DLG2: variants seen among roughly 807,000 people sequenced by gnomAD.
The protein encoded by DLG2 is discs large MAGUK scaffold protein 2.
Under a neutral mutation model 132.5 loss-of-function variants are expected in DLG2, and 45 were observed. The observed-to-expected ratio is 0.34, with a 90% CI of 0.27 to 0.44. The LOEUF (loss-of-function observed/expected upper bound fraction) is 0.44, where lower values mean the gene tolerates loss of function less well. DLG2 is among the 20% of genes least tolerant of loss of function. The pLI is 1.00. For synonymous variants in DLG2, 424 were observed against 419.6 expected (o/e 1.01, Z -0.13); for missense variants, 1,045 against 1,196.9 (o/e 0.87, Z 1.87).
At chr11:83,648,182 G>C (rs1272259452) in intron 18 of DLG2, 1 of 152,088 alleles carries the variant, frequency 6.6e-6, no homozygotes, top group Non-Finnish European at 1.5e-5. Flanking sequence ...CAAGAAAATA[G>C]ACAGTAAGTT....
intron 16 of DLG2, among the ~76,000 whole-genome samples, chr11:83,839,310 A>G (rs1328550416): frequency 6.6e-6 from 1 of 152,220 alleles, no homozygotes; most frequent in East Asian, 1.9e-4. Context: ...TAGTGAAGAT[A>G]AATGACAAAA....
At chr11:84,923,661 G>T in intron 6 of DLG2, 1 of 893,854 alleles carries the variant, frequency 1.1e-6, no homozygotes, top group Non-Finnish European at 1.3e-6. Context: ...TTCTGGTGCA[G>T]CACCCTGTTT....
chr11:83,906,786 A>G (rs2075069040), intron 15 of DLG2, among the ~76,000 whole-genome samples: 1 of 152,048 alleles, frequency 6.6e-6, no homozygotes, highest in Non-Finnish European at 1.5e-5. Context: ...AAACCAACCA[A>G]CCTAACAAAA....
At chr11:85,365,356 G>C (rs186028894) in intron 3 of DLG2, among the ~76,000 whole-genome samples, 5 of 152,246 alleles carry the variant, frequency 3.3e-5, no homozygotes, top group South Asian at 4.1e-4. Flanking sequence ...TCTATTCTTT[G>C]ATTCATTAAC....
chr11:83,511,087 G>GACACACACACAGACAC (rs2094999543), intron 21 of DLG2, among the ~76,000 whole-genome samples: 1 of 138,552 alleles, frequency 7.2e-6, no homozygotes, highest in Non-Finnish European at 1.5e-5. Flanking sequence ...CACACACACA[G>GACACACACACAGACAC]ACACACACAC....
At chr11:85,285,120 T>A (rs567172181) in intron 4 of DLG2, 100 bp downstream of exon 4, 328 of 1,017,396 alleles carry the variant, frequency 3.2e-4, no homozygotes, top group Non-Finnish European at 4.5e-4. Context: ...CTATTATTGT[T>A]GTTGCCATTT....
intron 3 of DLG2, among the ~76,000 whole-genome samples, chr11:85,388,096 T>G (rs1212899544): frequency 6.6e-6 from 1 of 152,104 alleles, no homozygotes; most frequent in Non-Finnish European, 1.5e-5. Flanking sequence ...TTTGGTGCTG[T>G]TGGGGGTGTG....
At chr11:85,098,892 A>C (rs1024047601) in intron 6 of DLG2, among the ~76,000 whole-genome samples, 2 of 152,166 alleles carry the variant, frequency 1.3e-5, no homozygotes, top group African/African-American at 4.8e-5. Flanking sequence ...ATTTTCCCTC[A>C]CTGCTATCCC....
chr11:85,611,782 A>G (rs2081017835), intron 2 of DLG2, among the ~76,000 whole-genome samples: 1 of 152,262 alleles, frequency 6.6e-6, no homozygotes, highest in Admixed American at 6.5e-5. Flanking sequence ...ATTAAATACC[A>G]CAAGGAAATC....
In DLG2 at chr11:85,173,651, C is replaced by G. The variant is rs548827139; in HGVS notation, c.187-19000G>C. Among the ~76,000 whole-genome samples, 3 of 152,164 alleles carry G rather than the reference C, an allele frequency of 2.0e-5. No homozygotes were observed. The South Asian group carries it at 6.2e-4, about 32-fold the overall frequency. On this transcript the variant is annotated intron_variant, in intron 4 of 27. Transcript: ENST00000376104. The stretch of plus-strand genomic sequence containing the variant: ...AATAGTAACCTTAAAAATAAATGGG[C>G]TAAATGTTCCAATTAGAAGACAGAA...
intron 6 of DLG2, among the ~76,000 whole-genome samples, chr11:84,744,898 TAAAAAAAAAAA>T (rs758776805): frequency 1.4e-5 from 1 of 71,812 alleles, no homozygotes; most frequent in African/African-American, 4.8e-5. Context: ...AGTAAAGGTC[TAAAAAAAAAAA>T]AAAAAAAAAA....
intron 6 of DLG2, among the ~76,000 whole-genome samples, chr11:85,096,853 C>T (rs1307738444): frequency 6.6e-6 from 1 of 152,154 alleles, no homozygotes; most frequent in Non-Finnish European, 1.5e-5. Context: ...GGACTAAAGA[C>T]ACGGGTGTCA....
chr11:85,353,451 C>G (rs991481068), intron 3 of DLG2, among the ~76,000 whole-genome samples: 1 of 152,160 alleles, frequency 6.6e-6, no homozygotes, highest in South Asian at 2.1e-4. Flanking sequence ...GGATCTAGAA[C>G]TAGAAATACC....
intron 16 of DLG2, among the ~76,000 whole-genome samples, chr11:83,860,380 A>G (rs1188948209): frequency 6.6e-6 from 1 of 152,178 alleles, no homozygotes; most frequent in Non-Finnish European, 1.5e-5. Flanking sequence ...CTCTTACATC[A>G]GCATGACCTG....
chr11:83,575,028 C>T (rs924505551), intron 19 of DLG2, among the ~76,000 whole-genome samples: 1 of 152,150 alleles, frequency 6.6e-6, no homozygotes, highest in Non-Finnish European at 1.5e-5. Context: ...GTTTGATTAG[C>T]TGAATCTAAA....
At chr11:84,250,002 GCAGAACCTGCTCAGGACCGC>G (rs891406397) in intron 8 of DLG2, among the ~76,000 whole-genome samples, 13 of 152,176 alleles carry the variant, frequency 8.5e-5, no homozygotes, top group Admixed American at 5.9e-4. Flanking sequence ...GTCCCGGATT[GCAGAACCTGCTCAGGACCGC>G]CAGAACCTGC....
At chr11:85,503,902 AGCCTGG>A (rs1400302203) in intron 3 of DLG2, among the ~76,000 whole-genome samples, 1 of 152,150 alleles carries the variant, frequency 6.6e-6, no homozygotes, top group African/African-American at 2.4e-5. Context: ...ACTGTACTCC[AGCCTGG>A]GCAACACAGT....
intron 6 of DLG2, among the ~76,000 whole-genome samples, chr11:84,790,616 T>A (rs960225777): frequency 6.6e-6 from 1 of 152,216 alleles, no homozygotes; most frequent in African/African-American, 2.4e-5. Context: ...CATTTTTGCT[T>A]TGGTTGCCTG....
At chr11:85,130,636 A>C (rs1015354790) in intron 5 of DLG2, among the ~76,000 whole-genome samples, 2 of 152,212 alleles carry the variant, frequency 1.3e-5, no homozygotes, top group Non-Finnish European at 2.9e-5. Flanking sequence ...ATAATTGAAG[A>C]CAGCACCTTA....
Sources: allele counts gnomAD v4.1 joint callset (sites outside exome capture counted in the v4.1 genomes callset), GRCh38; gene constraint gnomAD v4.1.1; transcripts MANE v1.5; gene names NCBI Gene and HGNC (gene_info 2026-07-23, HGNC 2026-07-21).